RIN2: variants seen among roughly 807,000 people sequenced by gnomAD.
RIN2 encodes RAB5 interacting protein 2.
RIN2 carries 36 observed loss-of-function variants against 78.0 expected under a neutral mutation model. The ratio of observed to expected loss-of-function variants is 0.46; its 90% CI spans 0.35 to 0.61. The LOEUF is 0.61. Among genes scored for constraint, RIN2 ranks in the 20% least tolerant of loss-of-function variants. The probability of loss-of-function intolerance (pLI) is 0.00; values close to 1 mark genes in which losing one functional copy is unlikely to be tolerated. For synonymous variants in RIN2, 466 were observed against 466.8 expected (o/e 1.00, Z 0.02); for missense variants, 1,087 against 1,159.7 (o/e 0.94, Z 0.91).
intron 10 of RIN2, 146 bp from the exon 11 acceptor site, chr20:19,992,022 A>T: frequency 1.1e-6 from 1 of 876,042 alleles, no homozygotes. Context: ...GAGGCTACAT[A>T]GGATTCCAGA....
chr20:19,914,660 A>G (rs986308730), intron 3 of RIN2, among the ~76,000 whole-genome samples: 8 of 151,946 alleles, frequency 5.3e-5, no homozygotes, highest in African/African-American at 1.9e-4. Flanking sequence ...GGGCTCTCAC[A>G]CTCCAGTGGA....
intron 3 of RIN2, among the ~76,000 whole-genome samples, chr20:19,919,476 C>G (rs414101): frequency 0.63 from 95,012 of 151,970 alleles, 30,039 homozygotes; most frequent in East Asian, 0.92. Context: ...TTTCTTGATA[C>G]TATATAAAAT....
chr20:19,782,919 C>T (rs912054512), intron 1 of RIN2, among the ~76,000 whole-genome samples: 1 of 152,208 alleles, frequency 6.6e-6, no homozygotes, highest in Non-Finnish European at 1.5e-5. Context: ...CTGTCCAGCT[C>T]AGGCCTGCAA....
chr20:19,790,360 T>C (rs1401563058), intron 1 of RIN2, among the ~76,000 whole-genome samples: 2 of 152,206 alleles, frequency 1.3e-5, no homozygotes, highest in Non-Finnish European at 2.9e-5. Context: ...GGGCAGCTAT[T>C]ACTCCACTTG....
chr20:19,847,796 A>G (rs773373667), intron 2 of RIN2, among the ~76,000 whole-genome samples: 4 of 152,182 alleles, frequency 2.6e-5, no homozygotes, highest in Non-Finnish European at 5.9e-5. Context: ...TTACTAGAAA[A>G]TTTAACATTA....
At chr20:19,807,481 G>T (rs969336880) in intron 2 of RIN2, among the ~76,000 whole-genome samples, 2 of 152,026 alleles carry the variant, frequency 1.3e-5, no homozygotes, top group East Asian at 1.9e-4. Context: ...ACACCCTAAG[G>T]CTCCAGGAAT....
chr20:19,992,409 T>A, intron 11 of RIN2, 110 bp downstream of exon 11: 1 of 1,065,234 alleles, frequency 9.4e-7, no homozygotes, highest in African/African-American at 1.6e-5. Flanking sequence ...AGTGAATAAT[T>A]CAGTGGCATT....
intron 2 of RIN2, among the ~76,000 whole-genome samples, chr20:19,846,355 C>T (rs929429943): frequency 2.6e-4 from 40 of 152,266 alleles, no homozygotes; most frequent in African/African-American, 8.7e-4. Flanking sequence ...TCTTCCTATC[C>T]ATGAGCATGG....
At chr20:19,788,439 A>AAAAAAAAAAAAAAAAAAAAAAAAAAAAAC (rs1555818733) in intron 1 of RIN2, among the ~76,000 whole-genome samples, 1 of 132,992 alleles carries the variant, frequency 7.5e-6, no homozygotes. Context: ...TGCCAAAAAA[A>AAAAAAAAAAAAAAAAAAAAAAAAAAAAAC]AAAAAAAAAA....
intron 9 of RIN2, among the ~76,000 whole-genome samples, chr20:19,979,734 A>G (rs921217798): frequency 2.0e-5 from 3 of 151,854 alleles, no homozygotes; most frequent in African/African-American, 7.3e-5. Flanking sequence ...TATCTGGGTT[A>G]TTTTTTAAGA....
intron 2 of RIN2, among the ~76,000 whole-genome samples, chr20:19,847,341 C>T (rs2036818131): frequency 6.6e-6 from 1 of 152,230 alleles, no homozygotes; most frequent in South Asian, 2.1e-4. Flanking sequence ...GTTCCTTACT[C>T]TTCATCCCTG....
intron 1 of RIN2, among the ~76,000 whole-genome samples, chr20:19,799,142 C>A (rs570986724): frequency 5.9e-5 from 9 of 152,202 alleles, no homozygotes; most frequent in African/African-American, 2.2e-4. Context: ...CCCAAGCGAT[C>A]CACCCACCTC....
At chr20:19,786,221 G>C (rs1316186293) in intron 1 of RIN2, among the ~76,000 whole-genome samples, 1 of 152,156 alleles carries the variant, frequency 6.6e-6, no homozygotes, top group African/African-American at 2.4e-5. Context: ...GAATGCAGCA[G>C]AAATAATACT....
intron 4 of RIN2, among the ~76,000 whole-genome samples, chr20:19,950,318 T>C (rs1488284824): frequency 6.6e-6 from 1 of 152,170 alleles, no homozygotes; most frequent in Non-Finnish European, 1.5e-5. Flanking sequence ...TATCTCCCCA[T>C]GATAGCAGCC....
rs1281368496 is a variant in RIN2, at chr20:19,977,927, G to A, written c.1762+2140G>A. Among the ~76,000 whole-genome samples the A allele has an allele frequency of 2.0e-5, 3 of 152,166 alleles. No homozygotes were observed. In the East Asian group the frequency reaches 5.8e-4, roughly 29 times the overall value. ...TTCTTCACCAGTGAAACAGCATTCTGTTTTGAAAGTATAGTGACAGTGCTA... is the reference window on the plus strand; with the variant it reads ...TTCTTCACCAGTGAAACAGCATTCTATTTTGAAAGTATAGTGACAGTGCTA... On this transcript the variant is annotated intron_variant, in intron 9 of 12. Transcript: ENST00000255006.
chr20:19,845,670 T>C (rs1433963742), intron 2 of RIN2, among the ~76,000 whole-genome samples: 2 of 152,140 alleles, frequency 1.3e-5, no homozygotes, highest in East Asian at 3.9e-4. Context: ...TCTCCCATTC[T>C]ATAGGTTGCC....
chr20:19,856,388 T>G (rs1014826538), intron 2 of RIN2, among the ~76,000 whole-genome samples: 3 of 151,882 alleles, frequency 2.0e-5, no homozygotes, highest in Admixed American at 1.3e-4. Context: ...TTAGCAGTAG[T>G]TGGGCATGGT....
chr20:19,783,634 G>A (rs1036204336), intron 1 of RIN2, among the ~76,000 whole-genome samples: 4 of 152,126 alleles, frequency 2.6e-5, no homozygotes, highest in Non-Finnish European at 4.4e-5. Flanking sequence ...TGGGGAAGGC[G>A]GTCCCAGGAA....
intron 11 of RIN2, 127 bp downstream of exon 11, chr20:19,992,426 A>T: frequency 1.1e-6 from 1 of 906,954 alleles, no homozygotes; most frequent in East Asian, 2.7e-5. Flanking sequence ...CATTTAGTAT[A>T]TTCACAATGT....
Sources: gnomAD v4.1 joint callset for allele counts (sites outside exome capture counted in the v4.1 genomes callset) on GRCh38, gnomAD v4.1.1 for gene constraint, MANE v1.5 for transcripts, NCBI Gene and HGNC (gene_info 2026-07-23, HGNC 2026-07-21) for gene names.